The following ZNF813 variants were observed in gnomAD, a reference collection of about 807,000 sequenced individuals.
ZNF813 encodes zinc finger protein 813.
Under a neutral mutation model 7.2 loss-of-function variants are expected in ZNF813, and 3 were observed. The observed-to-expected ratio is 0.42, with a 90% CI of 0.19 to 1.08. The LOEUF (loss-of-function observed/expected upper bound fraction) is 1.08, where lower values mean the gene tolerates loss of function less well. Among genes scored for constraint, ZNF813 ranks in the 50% least tolerant of loss-of-function variants. The pLI is 0.30. For missense variants in ZNF813, 714 were observed against 753.3 expected, an observed-to-expected ratio of 0.95 and a Z score of 0.61; for synonymous variants, 227 against 256.3, an observed-to-expected ratio of 0.89 and a Z score of 1.09.
chr19:53,471,193 C>G (rs931263136), intron 1 of ZNF813, among the ~76,000 whole-genome samples: 2 of 152,098 alleles, frequency 1.3e-5, no homozygotes, highest in African/African-American at 4.8e-5. Flanking sequence ...GAAACATGGT[C>G]TAATTGTTTC....
chr19:53,489,055 G>A lies in ZNF813; in HGVS notation c.143-1320G>A, dbSNP rs542804872. Among the ~76,000 whole-genome samples the A allele has an allele frequency of 2.0e-5, 3 of 152,086 alleles. No individual in the cohort carries two copies. In the East Asian group the frequency reaches 5.9e-4, roughly 30 times the overall value. On this transcript the variant is annotated intron_variant, in intron 3 of 3. Coordinates refer to ENST00000396403, the MANE Select transcript of ZNF813 (RefSeq NM_001004301.4). ...GAGTTTCACTGTTGTTGCCCAGGCT[G>A]GAGTGCAATGGCGTGATCTTGGCTC... is the stretch of plus-strand genomic sequence containing the variant.
intron 1 of ZNF813, among the ~76,000 whole-genome samples, chr19:53,468,230 C>G (rs944717392): frequency 3.7e-5 from 4 of 108,490 alleles, no homozygotes; most frequent in Admixed American, 1.8e-4. Context: ...CCCCCCCCCC[C>G]CCACCTCCCT....
chr19:53,488,526 A>AG (rs1311756996), intron 3 of ZNF813, among the ~76,000 whole-genome samples: 1 of 150,540 alleles, frequency 6.6e-6, no homozygotes. Context: ...TTCCTGCCTC[A>AG]GTCCCCCAAG....
rs901043390 is a variant in ZNF813 at position 53,494,296 on chromosome 19, G to T, written c.*2210G>T. 7 of 152,146 alleles carry T rather than the reference G, an allele frequency of 4.6e-5. No homozygotes were observed. Among genetic ancestry groups the T allele is most frequent in the African/African-American group, 1.4e-4 (6 of 41,408 alleles). 9.4% of individuals were successfully genotyped at this position (152,146 alleles called of 1,614,324 possible). ...AAATAAACTGGTACGAATCTGTTAT[G>T]TCTGAACAGGTCCTAGTTTGAGGCA... On this transcript the variant is annotated 3_prime_UTR_variant, in exon 4 of 4. Transcript: ENST00000396403.
chr19:53,468,219 G>GGCCCCCCC (rs2086337069), intron 1 of ZNF813, among the ~76,000 whole-genome samples: 2 of 52,964 alleles, frequency 3.8e-5, no homozygotes, highest in South Asian at 7.1e-4. Context: ...GCGCCCTCGC[G>GGCCCCCCC]CCCCCCCCCC....
intron 1 of ZNF813, among the ~76,000 whole-genome samples, chr19:53,477,405 A>G (rs564907545): frequency 1.3e-5 from 2 of 151,226 alleles, no homozygotes; most frequent in East Asian, 2.0e-4. Flanking sequence ...TTCTGCTACT[A>G]CTGGCGCATG....
In ZNF813 at chr19:53,490,768, G is replaced by T. The variant is rs201335438; in HGVS notation, c.536G>T (p.Arg179Ile). 1.1e-5 allele frequency: 18 copies of T among 1,614,122 alleles called. No individual in the cohort carries two copies. The East Asian group carries it at 2.2e-4, about 20-fold the overall frequency. The change falls in exon 4 of 4, where the codon AGA becomes ATA. Residue 179 changes from arginine (R) to isoleucine (I), a missense_variant. Transcript: ENST00000396403. ...NDASSISTSQ[R>I]ISCRPKTHIS... ...GCTTCCTCAATTTCAACATCCCAAA[G>T]AATTTCTTGTAGGCCCAAAACCCAT...
intron 1 of ZNF813, among the ~76,000 whole-genome samples, chr19:53,476,948 C>T (rs899613024): frequency 4.6e-5 from 7 of 152,110 alleles, no homozygotes; most frequent in African/African-American, 1.7e-4. Flanking sequence ...AGGCATAAGC[C>T]ACCGCGCCTG....
chr19:53,493,199 TG>T lies in ZNF813; in HGVS notation c.*1115del, dbSNP rs2086471878. ...TGAGGTCAGGAGTTTCAGATCAGTC[TG>T]GCCAACAAACATGAGCCACTTTTCC... On this transcript the variant is annotated 3_prime_UTR_variant, in exon 4 of 4. Coordinates refer to ENST00000396403, the MANE Select transcript of ZNF813 (RefSeq NM_001004301.4). 1 of 182,620 alleles carries T rather than the reference TG, an allele frequency of 5.5e-6. No individual in the cohort carries two copies. Among genetic ancestry groups the T allele is most frequent in the South Asian group, 1.2e-4 (1 of 8,550 alleles). 11.3% of individuals were successfully genotyped at this position (182,620 alleles called of 1,614,324 possible). A position where few individuals can be genotyped will look rare whatever the true frequency, so the allele number is the denominator to read the frequency against.
intron 1 of ZNF813, among the ~76,000 whole-genome samples, chr19:53,469,940 T>C (rs1026411422): frequency 3.3e-5 from 5 of 150,828 alleles, no homozygotes; most frequent in East Asian, 2.0e-4. Flanking sequence ...ACCGGCTCAG[T>C]GGATTTACAT....
chr19:53,490,271 T>C, intron 3 of ZNF813, 104 bp from the exon 4 acceptor site: 1 of 1,298,166 alleles, frequency 7.7e-7, no homozygotes. Flanking sequence ...GAAGATCATG[T>C]TGGGGAAGTT....
chr19:53,490,319 A>C, intron 3 of ZNF813, 56 bp from the exon 4 acceptor site: 1 of 1,559,280 alleles, frequency 6.4e-7, no homozygotes, highest in South Asian at 1.2e-5. Flanking sequence ...TACACATTTC[A>C]GTATTATTTA....
At chr19:53,485,301 T>C (rs2086426836) in intron 2 of ZNF813, among the ~76,000 whole-genome samples, 3 of 152,116 alleles carry the variant, frequency 2.0e-5, no homozygotes, top group African/African-American at 7.2e-5. Context: ...AATGTGTCCT[T>C]TTCCAGCAAG....
rs200658542 is a variant in ZNF813, at chr19:53,472,607, C to CT, written c.-74+4821dup. Among the ~76,000 whole-genome samples the CT allele has an allele frequency of 6.6e-3, 905 of 136,418 alleles. 57 individuals are homozygous for CT. Among genetic ancestry groups the CT allele is most frequent in the African/African-American group, 0.023 (841 of 36,074 alleles). The allele number at this position is 136,418 out of a possible 152,430, so 89.5% of individuals were successfully genotyped here. A position where few individuals can be genotyped will look rare whatever the true frequency, so the allele number is the denominator to read the frequency against. On this transcript the variant is annotated intron_variant, in intron 1 of 3. Coordinates refer to ENST00000396403, the MANE Select transcript of ZNF813 (RefSeq NM_001004301.4). Reference sequence around the variant, plus strand: ...AGATGGTCTGATTATAAGTACAAGTCTTTCTTTTTTTTTTTTTTTTTTGAG... The same window carrying CT: ...AGATGGTCTGATTATAAGTACAAGTCTTTTCTTTTTTTTTTTTTTTTTTGAG...
At position 53,474,801 on chromosome 19, in the gene ZNF813, T is replaced by C. The variant is rs1166671870; in HGVS notation, c.-74+7012T>C. On this transcript the variant is annotated intron_variant, in intron 1 of 3. Coordinates refer to ENST00000396403, the MANE Select transcript of ZNF813 (RefSeq NM_001004301.4). ...TAGGAGCTAACATCTTTGGAATGGCTAGTCTCCTATCAAAGAACTTCTACT... is the reference window on the plus strand; with the variant it reads ...TAGGAGCTAACATCTTTGGAATGGCCAGTCTCCTATCAAAGAACTTCTACT... Among the ~76,000 whole-genome samples the C allele has an allele frequency of 1.7e-4, 26 of 152,214 alleles. 1 individual carries two copies. Among genetic ancestry groups the C allele is most frequent in the Admixed American group, 1.5e-3 (23 of 15,290 alleles).
At chr19:53,478,432 G>A (rs7408281) in intron 1 of ZNF813, among the ~76,000 whole-genome samples, 18,071 of 151,924 alleles carry the variant, frequency 0.12, 1,302 homozygotes, top group African/African-American at 0.2. Flanking sequence ...TTGGCCTTCC[G>A]AAATACTGGG....
intron 1 of ZNF813, among the ~76,000 whole-genome samples, chr19:53,472,254 G>T (rs556712783): frequency 6.6e-6 from 1 of 152,070 alleles, no homozygotes; most frequent in Admixed American, 6.5e-5. Flanking sequence ...AGCATAATTG[G>T]CCTTTGTTGT....
intron 1 of ZNF813, 135 bp downstream of exon 1, chr19:53,467,924 C>G (rs890499835): frequency 6.6e-6 from 1 of 152,480 alleles, no homozygotes; most frequent in Non-Finnish European, 1.5e-5. Context: ...GAGACGACCC[C>G]GTGAGAGTCC....
intron 1 of ZNF813, among the ~76,000 whole-genome samples, chr19:53,476,766 C>G (rs1008359968): frequency 5.3e-5 from 8 of 152,088 alleles, no homozygotes; most frequent in Non-Finnish European, 1.2e-4. Flanking sequence ...TGGGTTCACA[C>G]CATTCTCCTG....
Sources: allele counts gnomAD v4.1 joint callset (sites outside exome capture counted in the v4.1 genomes callset), GRCh38; gene constraint gnomAD v4.1.1; transcripts MANE v1.5; gene names NCBI Gene and HGNC (gene_info 2026-07-23, HGNC 2026-07-21).